Variants in TAB1 observed in about 807,000 individuals in gnomAD.
The protein encoded by TAB1 is TGF-beta-activated kinase 1 and MAP3K7-binding protein 1.
A neutral mutation model predicts 54.5 loss-of-function variants in TAB1; 30 were observed. That is an observed-to-expected ratio of 0.55 (90% CI 0.41 to 0.75). The LOEUF (loss-of-function observed/expected upper bound fraction) is 0.75. Among genes scored for constraint, TAB1 ranks in the 30% least tolerant of loss-of-function variants. TAB1 has a pLI of 0.00. For synonymous variants in TAB1, 289 were observed against 286.9 expected, an observed-to-expected ratio of 1.01 and a Z score of -0.07; for missense variants, 609 against 683.2, an observed-to-expected ratio of 0.89 and a Z score of 1.21.
intron 1 of TAB1, among the ~76,000 whole-genome samples, chr22:39,411,981 G>A (rs528342500): frequency 2.7e-4 from 41 of 152,310 alleles, no homozygotes; most frequent in Admixed American, 1.2e-3. Context: ...GCCAGTCTCA[G>A]GAGGTCATGT....
At chr22:39,407,277 T>C (rs896480855) in intron 1 of TAB1, among the ~76,000 whole-genome samples, 1 of 152,206 alleles carries the variant, frequency 6.6e-6, no homozygotes, top group Non-Finnish European at 1.5e-5. Context: ...GCCGCCTAAC[T>C]GATTTCTTTT....
intron 1 of TAB1, among the ~76,000 whole-genome samples, chr22:39,407,668 G>A (rs1012392053): frequency 1.3e-5 from 2 of 152,090 alleles, no homozygotes; most frequent in African/African-American, 2.4e-5. Flanking sequence ...TGTATTTTTA[G>A]TAGAGACGGG....
intron 1 of TAB1, among the ~76,000 whole-genome samples, chr22:39,409,766 G>T (rs955594592): frequency 3.9e-5 from 6 of 152,120 alleles, no homozygotes; most frequent in African/African-American, 1.4e-4. Flanking sequence ...CATTACCATG[G>T]TGTGTTTTCT....
chr22:39,413,965 G>A lies in TAB1; in HGVS notation c.34-1041G>A, dbSNP rs553695514. ...CAGGATGTACCCTAGGGAGATCTGG[G>A]AAATTCAGAAATTGTGTTTAGGCCG... On this transcript the variant is annotated intron_variant, in intron 1 of 10. Transcript: ENST00000216160. 2.6e-5 allele frequency among the ~76,000 whole-genome samples: 4 copies of A among 152,300 alleles called. No individual in the cohort carries two copies. In the East Asian group the frequency reaches 7.7e-4, roughly 29 times the overall value.
chr22:39,431,343 A>G lies in TAB1; in HGVS notation c.*1121A>G, dbSNP rs900683063. On this transcript the variant is annotated 3_prime_UTR_variant, in exon 11 of 11. Coordinates refer to ENST00000216160, the MANE Select transcript of TAB1 (RefSeq NM_006116.3). ...GGATTGCCACTCCTGTTTCAGAGGAAGCAGGCCGAGAGACTTGCACCTTGG... is the reference window on the plus strand; with the variant it reads ...GGATTGCCACTCCTGTTTCAGAGGAGGCAGGCCGAGAGACTTGCACCTTGG... The G allele has an allele frequency of 1.1e-5, 11 of 985,438 alleles. No homozygotes were observed. Among genetic ancestry groups the G allele is most frequent in the Admixed American group, 6.1e-5 (1 of 16,262 alleles). The allele number at this position is 985,438 out of a possible 1,614,324, so 61.0% of individuals were successfully genotyped here. A position where few individuals can be genotyped will look rare whatever the true frequency, so the allele number is the denominator to read the frequency against.
At chr22:39,410,687 A>G (rs1337895303) in intron 1 of TAB1, among the ~76,000 whole-genome samples, 1 of 152,042 alleles carries the variant, frequency 6.6e-6, no homozygotes, top group Non-Finnish European at 1.5e-5. Context: ...ATAAATAAAT[A>G]AAAGTCACCC....
chr22:39,422,400 CTTTTTTTTTTTTTTT>C (rs965591327), intron 8 of TAB1, among the ~76,000 whole-genome samples: 4 of 88,522 alleles, frequency 4.5e-5, no homozygotes, highest in African/African-American at 1.9e-4. Context: ...CTTCTCATTT[CTTTTTTTTTTTTTTT>C]TTTTTTTTTT....
rs1255604583 is a variant in TAB1 at position 39,430,090 on chromosome 22, C to T, written c.1383C>T (p.Leu461=). The T allele has an allele frequency of 6.2e-7, 1 of 1,614,130 alleles. No homozygotes were observed. The highest frequency in any genetic ancestry group is 8.5e-7 in the Non-Finnish European group (1 of 1,180,046). Residue 461 remains leucine, a synonymous_variant, in exon 11 of 11, where the codon CTC becomes CTT. Coordinates refer to ENST00000216160, the MANE Select transcript of TAB1 (RefSeq NM_006116.3). ...QSSSSSSDGG[L]FRSRPAHSLP... ...GCAGCTCCAGCTCTGACGGAGGCCT[C>T]TTCCGCTCCCGGCCCGCCCACTCGC...
intron 10 of TAB1, 183 bp from the exon 11 acceptor site, chr22:39,429,832 T>C (rs1304275105): frequency 1.0e-6 from 1 of 985,462 alleles, no homozygotes; most frequent in East Asian, 1.1e-4. Flanking sequence ...ATCTGGTGCT[T>C]TAAAATTTGA....
intron 1 of TAB1, among the ~76,000 whole-genome samples, chr22:39,403,577 T>C (rs2413591): frequency 5.3e-5 from 8 of 151,902 alleles, no homozygotes; most frequent in African/African-American, 1.5e-4. Context: ...TGTGAAGCTT[T>C]CATGGGGAGC....
rs149735160 is a variant in TAB1 at position 39,418,751 on chromosome 22, A to G, written c.570A>G (p.Leu190=). 1 of 1,613,788 alleles carries G rather than the reference A, an allele frequency of 6.2e-7. No individual in the cohort carries two copies. The highest frequency in any genetic ancestry group is 8.5e-7 in the Non-Finnish European group (1 of 1,179,884). Reference sequence around the variant, plus strand: ...CCACAGGTACAAACCGTGCACTTTTATGCAAATCGACAGTGGATGGGTTGC... The same window carrying G: ...CCACAGGTACAAACCGTGCACTTTTGTGCAAATCGACAGTGGATGGGTTGC... ...VANVGTNRAL[L]CKSTVDGLQV... is the part of the protein sequence containing the mutation. The change falls in exon 6 of 11, where the codon TTA becomes TTG. Residue 190 remains leucine, a synonymous_variant. Transcript: ENST00000216160.
chr22:39,410,289 G>A (rs921793377), intron 1 of TAB1, among the ~76,000 whole-genome samples: 1 of 152,104 alleles, frequency 6.6e-6, no homozygotes, highest in African/African-American at 2.4e-5. Context: ...TGTATTTTTA[G>A]TAGAGACAGG....
intron 1 of TAB1, 40 bp from the exon 2 acceptor site, chr22:39,414,966 A>T (rs1428042837): frequency 6.2e-7 from 1 of 1,612,320 alleles, no homozygotes; most frequent in Admixed American, 1.7e-5. Flanking sequence ...TACCCTGCAG[A>T]CGCGGTGGCG....
rs552897816 is a variant in TAB1 at position 39,409,738 on chromosome 22, G to A, written c.34-5268G>A. Among the ~76,000 whole-genome samples, 301 of 152,124 alleles carry A rather than the reference G, an allele frequency of 2.0e-3. 1 individual carries two copies. Among genetic ancestry groups the A allele is most frequent in the African/African-American group, 6.9e-3 (288 of 41,508 alleles). On this transcript the variant is annotated intron_variant, in intron 1 of 10. Coordinates refer to ENST00000216160, the MANE Select transcript of TAB1 (RefSeq NM_006116.3). ...ACCACTTCATCTAGAGGCCCCCACC[G>A]CCCATCACGCTGTGTCCCATTACCA... is the stretch of plus-strand genomic sequence containing the variant.
chr22:39,413,066 C>T (rs1926675820), intron 1 of TAB1, among the ~76,000 whole-genome samples: 1 of 151,990 alleles, frequency 6.6e-6, no homozygotes, highest in South Asian at 2.1e-4. Context: ...AGGCGCCCGC[C>T]ACCACACCCG....
chr22:39,431,069 C>T lies in TAB1; in HGVS notation c.*847C>T. On this transcript the variant is annotated 3_prime_UTR_variant, in exon 11 of 11. Transcript: ENST00000216160. The stretch of plus-strand genomic sequence containing the variant: ...CTGGCAGGCAGCTGAGATGAACTGT[C>T]TTTACCACTGATGAGGGGCCTCTGC... The T allele has an allele frequency of 2.0e-6, 2 of 985,760 alleles. No homozygotes were observed. The highest frequency in any genetic ancestry group is 1.2e-6 in the Non-Finnish European group (1 of 830,178). 61.1% of individuals were successfully genotyped at this position (985,760 alleles called of 1,614,324 possible).
downstream of TAB1, chr22:39,433,219 A>G (rs1409826983): frequency 3.1e-6 from 3 of 975,438 alleles, no homozygotes; most frequent in Non-Finnish European, 3.7e-6. Context: ...TCAGAGGCCA[A>G]GGCAGGCAGA....
intron 1 of TAB1, among the ~76,000 whole-genome samples, chr22:39,407,659 G>A (rs1291099550): frequency 6.6e-6 from 1 of 152,050 alleles, no homozygotes; most frequent in Non-Finnish European, 1.5e-5. Flanking sequence ...CTAATTTTTT[G>A]TATTTTTAGT....
chr22:39,436,379 G>T (rs183489182), downstream of TAB1: 133 of 797,950 alleles, frequency 1.7e-4, no homozygotes, highest in African/African-American at 2.1e-3. Context: ...GCAAAGAGTT[G>T]GTATCCGTGG....
Sources: allele counts gnomAD v4.1 joint callset (sites outside exome capture counted in the v4.1 genomes callset), GRCh38; gene constraint gnomAD v4.1.1; transcripts MANE v1.5; gene names NCBI Gene and HGNC (gene_info 2026-07-23, HGNC 2026-07-21).